Variants in NRXN3 observed in about 807,000 individuals in gnomAD.
NRXN3 encodes neurexin III.
Under a neutral mutation model 137.6 loss-of-function variants are expected in NRXN3, and 32 were observed. The observed-to-expected ratio is 0.23, with a 90% CI of 0.18 to 0.31. The LOEUF (loss-of-function observed/expected upper bound fraction) is 0.31. Among genes scored for constraint, NRXN3 ranks in the 10% least tolerant of loss-of-function variants. NRXN3 has a pLI of 1.00. For synonymous variants in NRXN3, 798 were observed against 784.5 expected, an observed-to-expected ratio of 1.02 and a Z score of -0.29; for missense variants, 1,574 against 2,062.5, an observed-to-expected ratio of 0.76 and a Z score of 4.59.
chr14:79,254,725 C>A lies in NRXN3; in HGVS notation c.3263-212496C>A, dbSNP rs534201694. On this transcript the variant is annotated intron_variant, in intron 15 of 20. Coordinates refer to ENST00000335750, the MANE Select transcript of NRXN3 (RefSeq NM_001330195.2). ...GAACTGCATTAAAAAGAATGTCTTG[C>A]ATTACAGGCTTTAGAGGGGAAACTA... Among the ~76,000 whole-genome samples the A allele has an allele frequency of 4.1e-4, 62 of 152,308 alleles. 1 individual carries two copies. The South Asian group carries it at 0.011, about 27-fold the overall frequency.
chr14:78,771,941 A>T (rs1209681048), intron 8 of NRXN3, among the ~76,000 whole-genome samples: 1 of 152,212 alleles, frequency 6.6e-6, no homozygotes, highest in Non-Finnish European at 1.5e-5. Context: ...GGGGATATTT[A>T]CATGTACATA....
chr14:79,298,295 G>A (rs555690029), intron 15 of NRXN3, among the ~76,000 whole-genome samples: 94 of 152,182 alleles, frequency 6.2e-4, no homozygotes, highest in Non-Finnish European at 1.2e-3. Flanking sequence ...AGGTAGACAA[G>A]TCAGAAGCAC....
chr14:78,954,631 G>T (rs2099393178), intron 10 of NRXN3, among the ~76,000 whole-genome samples: 3 of 151,696 alleles, frequency 2.0e-5, no homozygotes, highest in East Asian at 1.9e-4. Context: ...TGCCCGGCTA[G>T]TTTTTTTGTA....
At chr14:79,569,630 T>TGTGTGTGTGTGAGA (rs775452045) in intron 16 of NRXN3, among the ~76,000 whole-genome samples, 17 of 135,774 alleles carry the variant, frequency 1.3e-4, no homozygotes, top group South Asian at 1.1e-3. Flanking sequence ...TGTGTGTGTG[T>TGTGTGTGTGTGAGA]GAGAGAGAGA....
chr14:79,756,797 C>G (rs1338661560), intron 19 of NRXN3, among the ~76,000 whole-genome samples: 1 of 152,114 alleles, frequency 6.6e-6, no homozygotes, highest in Non-Finnish European at 1.5e-5. Context: ...GCCCACTCAC[C>G]CAGGAGATCT....
At chr14:79,769,049 G>A (rs2099067069) in intron 19 of NRXN3, among the ~76,000 whole-genome samples, 4 of 152,144 alleles carry the variant, frequency 2.6e-5, no homozygotes, top group Admixed American at 6.6e-5. Context: ...TGAATGAAAT[G>A]AAGTGAGAAG....
Position 78,208,117 on chromosome 14 carries a change from A to G in NRXN3, c.-703-34274A>G, listed in dbSNP as rs564439751. Among the ~76,000 whole-genome samples the G allele has an allele frequency of 3.3e-3, 498 of 152,344 alleles. 3 individuals are homozygous for G. Among genetic ancestry groups the G allele is most frequent in the African/African-American group, 0.011 (464 of 41,588 alleles). On this transcript the variant is annotated intron_variant, in intron 1 of 20. Transcript: ENST00000335750. The stretch of plus-strand genomic sequence containing the variant: ...ATAAAATGGGCGATAATATTAATAC[A>G]TAATTTGTAGGGTGTTAGAAGGATT...
intron 4 of NRXN3, among the ~76,000 whole-genome samples, chr14:78,336,968 G>A (rs1310194885): frequency 6.6e-6 from 1 of 152,100 alleles, no homozygotes; most frequent in East Asian, 1.9e-4. Flanking sequence ...TATGTTTATA[G>A]CACAGGTCCT....
At chr14:78,496,683 A>G (rs2095790914) in intron 4 of NRXN3, among the ~76,000 whole-genome samples, 1 of 152,112 alleles carries the variant, frequency 6.6e-6, no homozygotes, top group African/African-American at 2.4e-5. Context: ...ATGAGATTAT[A>G]GGAGAATACC....
intron 3 of NRXN3, among the ~76,000 whole-genome samples, chr14:78,283,604 G>A (rs148559824): frequency 7.9e-5 from 12 of 152,102 alleles, no homozygotes; most frequent in African/African-American, 2.7e-4. Context: ...TGCCTCCCGG[G>A]TTCAAGCAAT....
At chr14:78,718,536 G>C (rs2098444940) in intron 8 of NRXN3, among the ~76,000 whole-genome samples, 1 of 152,116 alleles carries the variant, frequency 6.6e-6, no homozygotes, top group South Asian at 2.1e-4. Flanking sequence ...ATAAGGCCTG[G>C]GAAGTAGAAA....
intron 4 of NRXN3, among the ~76,000 whole-genome samples, chr14:78,359,478 C>A (rs1460870575): frequency 6.6e-6 from 1 of 152,188 alleles, no homozygotes; most frequent in African/African-American, 2.4e-5. Context: ...AATTTTCCAA[C>A]AAAGGATTAC....
chr14:79,596,543 A>C lies in NRXN3; in HGVS notation c.3445-67235A>C, dbSNP rs369443853. On this transcript the variant is annotated intron_variant, in intron 16 of 20. Transcript: ENST00000335750. The stretch of plus-strand genomic sequence containing the variant: ...CAAAGACAGGTTAATTTTGCAGAAT[A>C]AACCTGAGAGGGGCTTCTGGCCAAT... Among the ~76,000 whole-genome samples, 23 of 152,204 alleles carry C rather than the reference A, an allele frequency of 1.5e-4. No homozygotes were observed. In the South Asian group the frequency reaches 2.3e-3, roughly 15 times the overall value.
At chr14:79,131,902 C>A (rs534865778) in intron 15 of NRXN3, among the ~76,000 whole-genome samples, 1 of 143,982 alleles carries the variant, frequency 6.9e-6, no homozygotes, top group East Asian at 2.0e-4. Context: ...TTAAGCCTGT[C>A]GGAAAAACAC....
chr14:79,688,160 T>C (rs2098702790), intron 17 of NRXN3, among the ~76,000 whole-genome samples: 1 of 151,778 alleles, frequency 6.6e-6, no homozygotes, highest in African/African-American at 2.4e-5. Flanking sequence ...AGCTTCCTTC[T>C]GATCACTAGA....
At chr14:79,712,548 A>G (rs955579872) in intron 19 of NRXN3, among the ~76,000 whole-genome samples, 2 of 152,186 alleles carry the variant, frequency 1.3e-5, no homozygotes, top group Non-Finnish European at 2.9e-5. Context: ...ACAACAGACT[A>G]TATTTCTACC....
intron 15 of NRXN3, among the ~76,000 whole-genome samples, chr14:79,258,793 A>C (rs931653558): frequency 3.3e-5 from 5 of 152,232 alleles, no homozygotes; most frequent in African/African-American, 1.2e-4. Flanking sequence ...CTTCTAAAAC[A>C]GATACTCAGA....
At chr14:79,143,923 A>T (rs1005708331) in intron 15 of NRXN3, among the ~76,000 whole-genome samples, 29 of 152,190 alleles carry the variant, frequency 1.9e-4, no homozygotes, top group Non-Finnish European at 4.1e-4. Flanking sequence ...CCCCTTAAAT[A>T]TTACAGTCGT....
At chr14:78,723,880 G>T (rs2152876584) in intron 8 of NRXN3, among the ~76,000 whole-genome samples, 1 of 152,248 alleles carries the variant, frequency 6.6e-6, no homozygotes, top group East Asian at 1.9e-4. Context: ...TTAAAATTGA[G>T]AAGGTTGGAC....
Sources: gnomAD v4.1 joint callset for allele counts (sites outside exome capture counted in the v4.1 genomes callset) on GRCh38, gnomAD v4.1.1 for gene constraint, MANE v1.5 for transcripts, NCBI Gene and HGNC (gene_info 2026-07-23, HGNC 2026-07-21) for gene names.